The following CMTR1 variants were observed in gnomAD, a reference collection of about 807,000 sequenced individuals.
CMTR1 encodes cap-specific mRNA (nucleoside-2'-O-)-methyltransferase 1.
A neutral mutation model predicts 107.0 loss-of-function variants in CMTR1; 39 were observed. The ratio of observed to expected loss-of-function variants is 0.36; its 90% confidence interval spans 0.28 to 0.48. The LOEUF (loss-of-function observed/expected upper bound fraction) is 0.48, where lower values mean the gene tolerates loss of function less well. CMTR1 is among the 20% of genes least tolerant of loss of function. The pLI is 0.99. For synonymous variants in CMTR1, 366 were observed against 379.5 expected, an observed-to-expected ratio of 0.96 and a Z score of 0.41; for missense variants, 672 against 1,064.9, an observed-to-expected ratio of 0.63 and a Z score of 5.14.
intron 2 of CMTR1, among the ~76,000 whole-genome samples, chr6:37,442,155 A>G (rs1771689500): frequency 6.6e-6 from 1 of 152,224 alleles, no homozygotes; most frequent in South Asian, 2.1e-4. Context: ...ACAGTACCCC[A>G]TTATATGTAG....
the CMTR1 span, among the ~76,000 whole-genome samples, chr6:37,426,897 A>G: frequency 3.3e-5 from 5 of 152,216 alleles, no homozygotes; most frequent in Non-Finnish European, 7.3e-5. Flanking sequence ...CCAGAGGGCA[A>G]GAGGCTTGAA....
intron 4 of CMTR1, among the ~76,000 whole-genome samples, chr6:37,448,934 CTATTTTT>C (rs1453375474): frequency 1.3e-5 from 2 of 152,136 alleles, no homozygotes; most frequent in Admixed American, 6.6e-5. Context: ...GGCATCAGTA[CTATTTTT>C]TATTTTTTAT....
intron 2 of CMTR1, among the ~76,000 whole-genome samples, chr6:37,439,996 C>A (rs1771633493): frequency 6.6e-6 from 1 of 152,146 alleles, no homozygotes; most frequent in Non-Finnish European, 1.5e-5. Flanking sequence ...GCTGTATTGC[C>A]ATGTGAAAAA....
Position 37,476,154 on chromosome 6 carries a change from G to A in CMTR1, c.2065G>A (p.Ala689Thr). Residue 689 changes from alanine to threonine, a missense_variant, in exon 20 of 24, where the codon GCC becomes ACC. By Grantham distance (58) the Ala-to-Thr change is moderately conservative. Transcript: ENST00000373451. ...TCAGCTTGCCGAGAAATTTGTGAAA[G>A]CCGTTTCCAAGCCTAGTCGGCCCGA... ...RIQLAEKFVK[A>T]VSKPSRPDMN... The A allele has an allele frequency of 6.2e-7, 1 of 1,614,122 alleles. No individual in the cohort carries two copies. The highest frequency in any genetic ancestry group is 8.5e-7 in the Non-Finnish European group (1 of 1,180,016).
At chr6:37,454,018 A>G (rs1199151368) in intron 8 of CMTR1, among the ~76,000 whole-genome samples, 1 of 152,258 alleles carries the variant, frequency 6.6e-6, no homozygotes, top group African/African-American at 2.4e-5. Flanking sequence ...GTGGTAAAGC[A>G]AAGTGAGTTT....
chr6:37,445,485 T>C (rs866263620), intron 3 of CMTR1, among the ~76,000 whole-genome samples: 57 of 94,170 alleles, frequency 6.1e-4, no homozygotes, highest in Middle Eastern at 0.01. Flanking sequence ...ATACCTCACC[T>C]TTTTTTTTTT....
intron 4 of CMTR1, among the ~76,000 whole-genome samples, chr6:37,446,837 T>C (rs1771809760): frequency 6.6e-6 from 1 of 152,206 alleles, no homozygotes; most frequent in Non-Finnish European, 1.5e-5. Flanking sequence ...ACTGTGTGAG[T>C]AACTGGAGTA....
upstream of CMTR1, among the ~76,000 whole-genome samples, chr6:37,430,710 G>C (rs1771349891): frequency 6.6e-6 from 1 of 151,940 alleles, no homozygotes; most frequent in African/African-American, 2.4e-5. Context: ...ATTTGCATTT[G>C]GCATAAAGTA....
At chr6:37,466,361 CTT>C (rs1368296718) in intron 13 of CMTR1, among the ~76,000 whole-genome samples, 1 of 152,064 alleles carries the variant, frequency 6.6e-6, no homozygotes, top group Non-Finnish European at 1.5e-5. Flanking sequence ...GTCTCAATCT[CTT>C]GACTTCGTGA....
chr6:37,455,710 C>G (rs971659120), intron 8 of CMTR1, among the ~76,000 whole-genome samples: 8 of 152,046 alleles, frequency 5.3e-5, no homozygotes, highest in African/African-American at 1.9e-4. Flanking sequence ...CTGCTGTACT[C>G]GCCACTGGAA....
In CMTR1 at chr6:37,466,108, G is replaced by GTTTTTTTTTTTTTTTTTT; in HGVS notation, c.1505+3105_1505+3106insTTTTTTTTTTTTTTTTTT. 1.6e-5 allele frequency among the ~76,000 whole-genome samples: 2 copies of GTTTTTTTTTTTTTTTTTT among 127,712 alleles called. 1 individual carries two copies. The highest frequency in any genetic ancestry group is 3.4e-5 in the Non-Finnish European group (2 of 59,640). The allele number at this position is 127,712 out of a possible 152,430, so 83.8% of individuals were successfully genotyped here. A position where few individuals can be genotyped will look rare whatever the true frequency, so the allele number is the denominator to read the frequency against. On this transcript the variant is annotated intron_variant, in intron 13 of 23. Transcript: ENST00000373451. ...CTCTATGTTTTTAAAGAGTTTTACA[G>GTTTTTTTTTTTTTTTTTT]TTTTTGTTTTTTTTTTTTTTTTTGA...
chr6:37,475,878 C>T, intron 19 of CMTR1: 1 of 537,354 alleles, frequency 1.9e-6, no homozygotes, highest in South Asian at 2.0e-5. Flanking sequence ...CAGCTGAAGG[C>T]ACACTTCAGG....
intron 19 of CMTR1, chr6:37,475,784 A>G (rs1346928447): frequency 6.3e-6 from 3 of 478,280 alleles, no homozygotes; most frequent in Admixed American, 3.4e-5. Context: ...GAGTGGGTGC[A>G]CTGTAGTTTC....
At chr6:37,470,970 T>C (rs749005706) in intron 13 of CMTR1, 51 bp from the exon 14 acceptor site, 1 of 1,491,918 alleles carries the variant, frequency 6.7e-7, no homozygotes, top group Non-Finnish European at 9.1e-7. Context: ...TGATGTCAGT[T>C]ACCTGTCTTT....
At chr6:37,449,448 A>G (rs1771886031) in intron 4 of CMTR1, among the ~76,000 whole-genome samples, 1 of 152,154 alleles carries the variant, frequency 6.6e-6, no homozygotes, top group Non-Finnish European at 1.5e-5. Context: ...AGCTGGGTTT[A>G]CAGATGTGCA....
At position 37,480,593 on chromosome 6, in the gene CMTR1, A is replaced by T. The variant is rs1761833771; in HGVS notation, c.*448A>T. 9.7e-7 allele frequency: 1 copy of T among 1,033,480 alleles called. No homozygotes were observed. The highest frequency in any genetic ancestry group is 1.2e-6 in the Non-Finnish European group (1 of 861,882). 64.0% of individuals were successfully genotyped at this position (1,033,480 alleles called of 1,614,324 possible). ...TATTGGGCCATCCCTGAGTGGGTGG[A>T]GACCTGCTGTCATGAGCTGGCCAGG... On this transcript the variant is annotated 3_prime_UTR_variant, in exon 24 of 24. Transcript: ENST00000373451.
intron 11 of CMTR1, 82 bp from the exon 12 acceptor site, chr6:37,461,888 G>A: frequency 6.7e-7 from 1 of 1,497,244 alleles, no homozygotes; most frequent in Middle Eastern, 1.9e-4. Flanking sequence ...CCTTGACTTT[G>A]TCATATTTAC....
In CMTR1 at chr6:37,480,125, A is replaced by G. The variant is rs1168921885; in HGVS notation, c.2488A>G (p.Ile830Val). Residue 830 changes from isoleucine to valine, a missense_variant, in exon 24 of 24, where the codon ATC becomes GTC. Around this residue, in one of 2 missense-constraint regions of CMTR1, gnomAD observed 583 missense variants for 968.4 expected, o/e 0.60. Transcript: ENST00000373451. ...KLSKEDVLSF[I>V]QMHRA ...GTCCAAGGAGGACGTCCTCTCCTTC[A>G]TCCAGATGCACAGGGCCTAAGAGCC... 2 of 1,599,476 alleles carry G rather than the reference A, an allele frequency of 1.3e-6. No homozygotes were observed. The highest frequency in any genetic ancestry group is 2.7e-5 in the African/African-American group (2 of 73,924).
intron 2 of CMTR1, among the ~76,000 whole-genome samples, chr6:37,438,673 A>G (rs562456885): frequency 2.6e-5 from 4 of 152,370 alleles, no homozygotes; most frequent in African/African-American, 9.6e-5. Context: ...ATAAAAGGCA[A>G]CAATAGTATC....
Sources: gnomAD v4.1 joint callset for allele counts (sites outside exome capture counted in the v4.1 genomes callset) on GRCh38, gnomAD v4.1.1 for gene constraint, gnomAD v4.1.1 regional missense constraint, MANE v1.5 for transcripts, NCBI Gene and HGNC (gene_info 2026-07-23, HGNC 2026-07-21) for gene names.